AFF3: variants seen among roughly 807,000 people sequenced by gnomAD.
AFF3 encodes AF4/FMR2 family member 3.
AFF3 carries 32 observed loss-of-function variants against 129.7 expected under a neutral mutation model. The observed-to-expected ratio is 0.25, with a 90% CI of 0.19 to 0.33. The LOEUF (loss-of-function observed/expected upper bound fraction) is 0.33. AFF3 is among the 10% of genes least tolerant of loss of function. AFF3 has a pLI of 1.00. For missense variants in AFF3, 1,373 were observed against 1,592.0 expected (o/e 0.86, Z 2.34); for synonymous variants, 644 against 635.4 (o/e 1.01, Z -0.20).
rs149824823 is a variant in AFF3 at position 100,088,373 on chromosome 2, G to C, written c.53+16029C>G. On this transcript the variant is annotated intron_variant, in intron 4 of 24. Transcript: ENST00000672756. ...TAAAAAAGAAAGTAAAAATATCAGT[G>C]ATCCATGTTACCATCACTAAATAAT... Among the ~76,000 whole-genome samples, 38 of 152,260 alleles carry C rather than the reference G, an allele frequency of 2.5e-4. No homozygotes were observed. The East Asian group carries it at 7.3e-3, about 29-fold the overall frequency.
intron 10 of AFF3, among the ~76,000 whole-genome samples, chr2:99,740,034 T>G (rs1680585482): frequency 6.9e-6 from 1 of 145,304 alleles, no homozygotes; most frequent in Non-Finnish European, 1.5e-5. Context: ...CATTGTTCAA[T>G]TCCCATCTAT....
intron 7 of AFF3, among the ~76,000 whole-genome samples, chr2:99,909,461 G>T (rs1433215222): frequency 6.8e-6 from 1 of 147,906 alleles, no homozygotes; most frequent in Non-Finnish European, 1.5e-5. Context: ...ACGAGTTACT[G>T]GGGGGAGAGG....
chr2:99,690,998 T>G (rs551391143), intron 11 of AFF3, among the ~76,000 whole-genome samples: 1 of 152,148 alleles, frequency 6.6e-6, no homozygotes, highest in East Asian at 1.9e-4. Flanking sequence ...AAGTAAGGAA[T>G]GCATGTTGGA....
intron 17 of AFF3, among the ~76,000 whole-genome samples, 170 bp from the exon 18 acceptor site, chr2:99,578,621 A>G (rs1047239497): frequency 7.9e-5 from 12 of 152,202 alleles, no homozygotes; most frequent in African/African-American, 2.9e-4. Flanking sequence ...CATTCTAGGT[A>G]TTTGCTGAGG....
intron 7 of AFF3, among the ~76,000 whole-genome samples, chr2:99,838,600 G>A (rs75417720): frequency 0.024 from 3,671 of 152,156 alleles, 70 homozygotes; most frequent in Middle Eastern, 0.044. Context: ...CCCTCACCAC[G>A]ACGGCAATTC....
chr2:100,057,696 C>T (rs935758724), intron 4 of AFF3, among the ~76,000 whole-genome samples: 1 of 152,146 alleles, frequency 6.6e-6, no homozygotes, highest in African/African-American at 2.4e-5. Context: ...GCTACCTCCC[C>T]ACAATCTCGT....
At chr2:100,056,063 TCACACA>T (rs369771394) in intron 4 of AFF3, among the ~76,000 whole-genome samples, 28 of 120,566 alleles carry the variant, frequency 2.3e-4, no homozygotes, top group African/African-American at 4.6e-4. Flanking sequence ...TGTCTCTCTC[TCACACA>T]CACACACACA....
At chr2:100,030,571 T>C (rs1353534847) in intron 4 of AFF3, among the ~76,000 whole-genome samples, 1 of 152,236 alleles carries the variant, frequency 6.6e-6, no homozygotes, top group Non-Finnish European at 1.5e-5. Flanking sequence ...TGCAAATGTT[T>C]ATAGAGATTT....
chr2:99,655,078 C>T (rs1685621756), intron 12 of AFF3, among the ~76,000 whole-genome samples: 2 of 152,122 alleles, frequency 1.3e-5, no homozygotes, highest in Admixed American at 6.5e-5. Context: ...AGAACTTACG[C>T]CTGGAGAGGT....
intron 11 of AFF3, among the ~76,000 whole-genome samples, chr2:99,675,983 G>GT (rs61405437): frequency 0.097 from 13,586 of 140,188 alleles, 1,023 homozygotes; most frequent in African/African-American, 0.22. Context: ...ATCTCCTACT[G>GT]TTTTTTTTTT....
chr2:99,582,872 A>C lies in AFF3; in HGVS notation c.2719T>G (p.Leu907Val). 6.2e-7 allele frequency: 1 copy of C among 1,614,214 alleles called. No individual in the cohort carries two copies. ...TTGCTGGAAGAGGCTGAAGTAAACA[A>C]ACTGTTGCCATTAGGTCGGCTGGAA... is the stretch of plus-strand genomic sequence containing the variant. Reference protein sequence around the residue: ...TSSSRPNGNSLFTSASSSKKP... With the variant: ...TSSSRPNGNSVFTSASSSKKP... Residue 907 changes from leucine (L) to valine (V), a missense_variant, in exon 17 of 25, where the codon TTG becomes GTG. By Grantham distance (32) the Leu-to-Val change is conservative. This residue lies in a region of AFF3 where 466 missense variants were observed against 505.0 expected (regional missense o/e 0.92). Coordinates refer to ENST00000672756, the MANE Select transcript of AFF3 (RefSeq NM_001386135.1).
chr2:100,124,179 G>A (rs1409200693), intron 2 of AFF3, among the ~76,000 whole-genome samples: 1 of 152,202 alleles, frequency 6.6e-6, no homozygotes, highest in East Asian at 1.9e-4. Context: ...CTATGAGAGA[G>A]ATCCTTGAAG....
rs974718310 is a variant in AFF3, at chr2:99,778,870, T to G, written c.922-26569A>C. ...CCAAACTTGTTTATTACCTATAATT[T>G]TGTGTGTGTGTGTGTGTGTGTGTGC... On this transcript the variant is annotated intron_variant, in intron 8 of 24. Coordinates refer to ENST00000672756, the MANE Select transcript of AFF3 (RefSeq NM_001386135.1). 1.3e-4 allele frequency among the ~76,000 whole-genome samples: 18 copies of G among 138,490 alleles called. 1 individual carries two copies. In the South Asian group the frequency reaches 1.5e-3, roughly 12 times the overall value. 90.9% of individuals were successfully genotyped at this position (138,490 alleles called of 152,430 possible).
At chr2:100,105,970 T>C in intron 2 of AFF3, 1 of 1,327,144 alleles carries the variant, frequency 7.5e-7, no homozygotes, top group South Asian at 1.2e-5. Context: ...GCCAGAAATG[T>C]AAACCCTGGG....
At chr2:100,075,113 C>T (rs112238698) in intron 4 of AFF3, among the ~76,000 whole-genome samples, 210 of 152,264 alleles carry the variant, frequency 1.4e-3, no homozygotes, top group Non-Finnish European at 2.1e-3. Context: ...AGGACCTGAG[C>T]TAACTTCTCA....
intron 10 of AFF3, among the ~76,000 whole-genome samples, chr2:99,739,962 C>A (rs1344312255): frequency 8.9e-6 from 1 of 112,172 alleles, no homozygotes; most frequent in African/African-American, 3.4e-5. Flanking sequence ...TCCCTCCCCC[C>A]TCCCCCCACC....
intron 15 of AFF3, among the ~76,000 whole-genome samples, chr2:99,592,174 G>C (rs117393993): frequency 2.0e-5 from 3 of 152,132 alleles, no homozygotes; most frequent in Non-Finnish European, 4.4e-5. Context: ...AAAAACCTTC[G>C]AAATGGGCTA....
intron 7 of AFF3, among the ~76,000 whole-genome samples, chr2:99,914,902 CA>C (rs1285049331): frequency 6.6e-6 from 1 of 151,592 alleles, no homozygotes; most frequent in Admixed American, 6.6e-5. Flanking sequence ...GACTCCATCT[CA>C]AAAAATAAAT....
intron 4 of AFF3, among the ~76,000 whole-genome samples, chr2:100,069,236 A>C (rs189151577): frequency 6.6e-6 from 1 of 152,246 alleles, no homozygotes; most frequent in African/African-American, 2.4e-5. Context: ...TGTGACCTCC[A>C]AATCAAGGTG....
Sources: allele counts gnomAD v4.1 joint callset (sites outside exome capture counted in the v4.1 genomes callset), GRCh38; gene constraint gnomAD v4.1.1; regional missense constraint gnomAD v4.1.1; transcripts MANE v1.5; gene names NCBI Gene and HGNC (gene_info 2026-07-23, HGNC 2026-07-21).